Variants in GALNT17 observed in about 807,000 individuals in gnomAD.
GALNT17 encodes polypeptide N-acetylgalactosaminyltransferase 17, also known as UDP-GalNAc:polypeptide N-acetylgalactosaminyltransferase-like 3.
A neutral mutation model predicts 63.7 loss-of-function variants in GALNT17; 29 were observed. The observed-to-expected ratio is 0.46, with a 90% CI of 0.34 to 0.62. The LOEUF (loss-of-function observed/expected upper bound fraction) is 0.62. GALNT17 is among the 20% of genes least tolerant of loss of function. The probability of loss-of-function intolerance (pLI) is 0.01; values close to 1 mark genes in which losing one functional copy is unlikely to be tolerated. For synonymous variants in GALNT17, 305 were observed against 318.3 expected, an observed-to-expected ratio of 0.96 and a Z score of 0.45; for missense variants, 603 against 799.6, an observed-to-expected ratio of 0.75 and a Z score of 2.97.
intron 1 of GALNT17, among the ~76,000 whole-genome samples, chr7:71,216,607 TACACACAG>T (rs1457815929): frequency 6.8e-6 from 1 of 147,316 alleles, no homozygotes; most frequent in South Asian, 2.4e-4. Flanking sequence ...TCTACACACA[TACACACAG>T]ACACACACAC....
At chr7:71,140,890 G>A (rs186514320) in intron 1 of GALNT17, among the ~76,000 whole-genome samples, 2 of 152,196 alleles carry the variant, frequency 1.3e-5, no homozygotes, top group Non-Finnish European at 2.9e-5. Context: ...ACATTGTGGT[G>A]CATGCCCATG....
At chr7:71,704,922 CA>C (rs2117121643) in intron 9 of GALNT17, among the ~76,000 whole-genome samples, 1 of 152,174 alleles carries the variant, frequency 6.6e-6, no homozygotes, top group East Asian at 1.9e-4. Context: ...TTAGAAAACA[CA>C]GGGGTAAATC....
intron 6 of GALNT17, among the ~76,000 whole-genome samples, chr7:71,629,759 C>G (rs1042569279): frequency 2.6e-5 from 4 of 152,214 alleles, no homozygotes; most frequent in Non-Finnish European, 2.9e-5. Context: ...GCTGGGACAG[C>G]AGGCACAAGC....
chr7:71,330,259 C>T lies in GALNT17; in HGVS notation c.239-5291C>T, dbSNP rs557641787. On this transcript the variant is annotated intron_variant, in intron 1 of 10. Coordinates refer to ENST00000333538, the MANE Select transcript of GALNT17 (RefSeq NM_022479.3). ...AACTCCTGACTTCAAGTGATCCGCCCGCCTTGGCCTCCCAAAGTGCTGGGA... is the reference window on the plus strand; with the variant it reads ...AACTCCTGACTTCAAGTGATCCGCCTGCCTTGGCCTCCCAAAGTGCTGGGA... 5.7e-3 allele frequency among the ~76,000 whole-genome samples: 867 copies of T among 152,258 alleles called. 6 individuals carry two copies. The highest frequency in any genetic ancestry group is 6.9e-3 in the Non-Finnish European group (471 of 68,034).
intron 5 of GALNT17, among the ~76,000 whole-genome samples, chr7:71,474,669 T>A (rs1787694127): frequency 6.6e-6 from 1 of 152,114 alleles, no homozygotes; most frequent in Non-Finnish European, 1.5e-5. Flanking sequence ...AAAAAATCAT[T>A]ACAAGAGTCA....
At chr7:71,242,272 CT>C (rs745542157) in intron 1 of GALNT17, among the ~76,000 whole-genome samples, 34 of 86,000 alleles carry the variant, frequency 4.0e-4, no homozygotes, top group Admixed American at 8.2e-4. Flanking sequence ...TTTTCTTTTT[CT>C]TTTTTTTTTT....
chr7:71,609,695 C>T (rs992374878), intron 6 of GALNT17, among the ~76,000 whole-genome samples: 2 of 152,034 alleles, frequency 1.3e-5, no homozygotes, highest in African/African-American at 2.4e-5. Flanking sequence ...AATCCAATTA[C>T]ATTCTTCAAG....
intron 6 of GALNT17, among the ~76,000 whole-genome samples, chr7:71,609,247 G>T (rs1029476156): frequency 1.2e-4 from 19 of 152,234 alleles, no homozygotes; most frequent in Non-Finnish European, 2.8e-4. Flanking sequence ...GGACTTGTCT[G>T]TGTGGATTAT....
At chr7:71,414,099 G>A (rs1793480915) in intron 3 of GALNT17, among the ~76,000 whole-genome samples, 2 of 151,962 alleles carry the variant, frequency 1.3e-5, no homozygotes, top group Non-Finnish European at 2.9e-5. Flanking sequence ...AAATTAGCCG[G>A]CTGTGGTGAC....
At position 71,573,646 on chromosome 7, in the gene GALNT17, T is replaced by C. The variant is rs1286193010; in HGVS notation, c.1080+2244T>C. Reference sequence around the variant, plus strand: ...ACCACACCTGGCCTATTTTATTTTTTATTTTTTTCTTTTAACTTTCATTTT... The same window carrying C: ...ACCACACCTGGCCTATTTTATTTTTCATTTTTTTCTTTTAACTTTCATTTT... On this transcript the variant is annotated intron_variant, in intron 6 of 10. Coordinates refer to ENST00000333538, the MANE Select transcript of GALNT17 (RefSeq NM_022479.3). 2.0e-5 allele frequency among the ~76,000 whole-genome samples: 3 copies of C among 152,162 alleles called. No homozygotes were observed. The East Asian group carries it at 5.8e-4, about 29-fold the overall frequency.
At chr7:71,368,090 G>T (rs944759308) in intron 2 of GALNT17, among the ~76,000 whole-genome samples, 1 of 152,234 alleles carries the variant, frequency 6.6e-6, no homozygotes, top group Admixed American at 6.5e-5. Context: ...AAGAACAGAC[G>T]TGGGGAGGGG....
At chr7:71,241,012 CTT>C (rs900929899) in intron 1 of GALNT17, among the ~76,000 whole-genome samples, 1 of 152,016 alleles carries the variant, frequency 6.6e-6, no homozygotes, top group African/African-American at 2.4e-5. Context: ...GATTCCATGT[CTT>C]TGATATTGGG....
At chr7:71,138,864 A>C (rs1162306524) in intron 1 of GALNT17, among the ~76,000 whole-genome samples, 1 of 152,056 alleles carries the variant, frequency 6.6e-6, no homozygotes, top group African/African-American at 2.4e-5. Flanking sequence ...AATCCCAGCT[A>C]CTCTGGAGGC....
chr7:71,242,654 G>A (rs1294184762), intron 1 of GALNT17, among the ~76,000 whole-genome samples: 1 of 152,184 alleles, frequency 6.6e-6, no homozygotes, highest in African/African-American at 2.4e-5. Context: ...GAATGCAGAT[G>A]TAGTTTTGAG....
intron 1 of GALNT17, among the ~76,000 whole-genome samples, chr7:71,241,564 T>G (rs2116468409): frequency 6.6e-6 from 1 of 152,314 alleles, no homozygotes; most frequent in African/African-American, 2.4e-5. Context: ...TACTCTTCCC[T>G]TTCCTCTTAG....
chr7:71,339,282 G>A (rs1290491296), intron 2 of GALNT17, among the ~76,000 whole-genome samples: 6 of 152,196 alleles, frequency 3.9e-5, no homozygotes, highest in Non-Finnish European at 7.4e-5. Flanking sequence ...CAGCAGATCA[G>A]GTCAGCACAA....
intron 6 of GALNT17, among the ~76,000 whole-genome samples, chr7:71,605,947 A>G (rs1054502274): frequency 6.6e-5 from 10 of 151,982 alleles, no homozygotes; most frequent in South Asian, 2.1e-4. Context: ...CATTTGGTTG[A>G]TTGATTGACT....
At chr7:71,378,557 C>A (rs1173435728) in intron 2 of GALNT17, among the ~76,000 whole-genome samples, 1 of 152,074 alleles carries the variant, frequency 6.6e-6, no homozygotes, top group Non-Finnish European at 1.5e-5. Flanking sequence ...ATCACTGATG[C>A]TTTAATTGAG....
At chr7:71,584,768 T>G (rs1249345381) in intron 6 of GALNT17, among the ~76,000 whole-genome samples, 1 of 152,112 alleles carries the variant, frequency 6.6e-6, no homozygotes, top group Non-Finnish European at 1.5e-5. Flanking sequence ...ATTTATTTAT[T>G]TATTTAATTT....
Sources: gnomAD v4.1 joint callset for allele counts (sites outside exome capture counted in the v4.1 genomes callset) on GRCh38, gnomAD v4.1.1 for gene constraint, MANE v1.5 for transcripts, NCBI Gene and HGNC (gene_info 2026-07-23, HGNC 2026-07-21) for gene names.